CSTPP1: variants seen among roughly 807,000 people sequenced by gnomAD.
The protein encoded by CSTPP1 is centriolar satellite-associated tubulin polyglutamylase complex regulator 1.
the CSTPP1 span, among the ~76,000 whole-genome samples, chr11:47,093,800 A>G: frequency 2.0e-5 from 3 of 152,262 alleles, no homozygotes; most frequent in Non-Finnish European, 4.4e-5. Context: ...ATTGTCTCAC[A>G]TGGTGCCTGG....
chr11:47,047,548 T>C, the CSTPP1 span, among the ~76,000 whole-genome samples: 15 of 152,172 alleles, frequency 9.9e-5, no homozygotes, highest in Non-Finnish European at 1.9e-4. Flanking sequence ...AAGAATGAAA[T>C]TGGACTACAA....
the CSTPP1 span, among the ~76,000 whole-genome samples, chr11:47,075,292 AC>A: frequency 0.61 from 92,028 of 151,864 alleles, 28,570 homozygotes; most frequent in Middle Eastern, 0.7. Flanking sequence ...AATCGGTTGA[AC>A]CCAGGAGACA....
At chr11:46,994,487 G>C in the CSTPP1 span, among the ~76,000 whole-genome samples, 1 of 152,094 alleles carries the variant, frequency 6.6e-6, no homozygotes, top group South Asian at 2.1e-4. Flanking sequence ...TAGCAGGAAG[G>C]GCTGTTGAAT....
At chr11:47,135,875 A>G in the CSTPP1 span, among the ~76,000 whole-genome samples, 1 of 152,202 alleles carries the variant, frequency 6.6e-6, no homozygotes, top group Non-Finnish European at 1.5e-5. Context: ...AAGTACTTGA[A>G]GTACATGAGT....
At chr11:47,069,171 C>A in the CSTPP1 span, among the ~76,000 whole-genome samples, 1 of 152,134 alleles carries the variant, frequency 6.6e-6, no homozygotes, top group African/African-American at 2.4e-5. Flanking sequence ...TTCTGTGGAA[C>A]ATGGTTTGAA....
chr11:46,994,087 TTGGTGTATAGGAA>T, the CSTPP1 span, among the ~76,000 whole-genome samples: 1 of 152,230 alleles, frequency 6.6e-6, no homozygotes, highest in South Asian at 2.1e-4. Context: ...TTGTCTGTTA[TTGGTGTATAGGAA>T]TGCTTGTGAT....
At chr11:47,103,463 C>T in the CSTPP1 span, among the ~76,000 whole-genome samples, 1 of 151,704 alleles carries the variant, frequency 6.6e-6, no homozygotes. Flanking sequence ...CACTGAAGTA[C>T]TTAAGAAATT....
the CSTPP1 span, chr11:46,936,844 G>T: frequency 6.3e-7 from 1 of 1,596,050 alleles, no homozygotes; most frequent in South Asian, 1.1e-5. Flanking sequence ...CGGACTACGA[G>T]TATCTGGGTA....
At chr11:47,007,283 G>A in the CSTPP1 span, among the ~76,000 whole-genome samples, 7 of 151,782 alleles carry the variant, frequency 4.6e-5, no homozygotes, top group Non-Finnish European at 7.4e-5. Context: ...TGCCTGCCTC[G>A]GCCTCCCAAA....
the CSTPP1 span, among the ~76,000 whole-genome samples, chr11:46,977,160 G>T: frequency 2.6e-5 from 4 of 152,188 alleles, no homozygotes; most frequent in Non-Finnish European, 5.9e-5. Flanking sequence ...GTAGTACATG[G>T]CTTGCATTGT....
At chr11:47,137,191 G>C in the CSTPP1 span, 1 of 1,007,458 alleles carries the variant, frequency 9.9e-7, no homozygotes, top group Non-Finnish European at 1.3e-6. Context: ...TACACAGCAA[G>C]ACTGTTTGCG....
the CSTPP1 span, among the ~76,000 whole-genome samples, chr11:47,080,650 A>G: frequency 2.0e-5 from 3 of 152,168 alleles, no homozygotes; most frequent in African/African-American, 4.8e-5. Context: ...ATTGAAATCT[A>G]TTATAAACAT....
chr11:47,142,372 A>G, the CSTPP1 span, among the ~76,000 whole-genome samples: 4 of 152,202 alleles, frequency 2.6e-5, no homozygotes, highest in East Asian at 3.9e-4. Context: ...TAATAGCACA[A>G]TGTTTTCATG....
At chr11:46,997,670 G>T in the CSTPP1 span, among the ~76,000 whole-genome samples, 2 of 152,114 alleles carry the variant, frequency 1.3e-5, no homozygotes, top group African/African-American at 2.4e-5. Context: ...TTCTGCTCTG[G>T]TTTCTCCCCA....
the CSTPP1 span, among the ~76,000 whole-genome samples, chr11:46,985,645 G>A: frequency 6.6e-6 from 1 of 152,196 alleles, no homozygotes; most frequent in Non-Finnish European, 1.5e-5. Flanking sequence ...TGACATCTAA[G>A]AAGTTCTGGC....
the CSTPP1 span, among the ~76,000 whole-genome samples, chr11:47,036,175 TATAA>T: frequency 3.6e-5 from 2 of 55,402 alleles, 1 homozygote; most frequent in Non-Finnish European, 7.4e-5. Flanking sequence ...TATTATAATA[TATAA>T]ATATATATTT....
At chr11:47,019,446 A>G in the CSTPP1 span, among the ~76,000 whole-genome samples, 1 of 152,146 alleles carries the variant, frequency 6.6e-6, no homozygotes, top group Admixed American at 6.5e-5. Flanking sequence ...AATAATTTCT[A>G]GCTTTTAATT....
the CSTPP1 span, among the ~76,000 whole-genome samples, chr11:46,938,456 C>G: frequency 6.6e-6 from 1 of 150,982 alleles, no homozygotes; most frequent in African/African-American, 2.4e-5. Context: ...AAATGCATGT[C>G]ATGTATTCAC....
the CSTPP1 span, among the ~76,000 whole-genome samples, chr11:47,146,711 T>G: frequency 3.3e-5 from 5 of 152,338 alleles, no homozygotes; most frequent in African/African-American, 1.2e-4. Context: ...CAAGAGCTAC[T>G]CCTGGGAATA....
Sources: allele counts gnomAD v4.1 joint callset (sites outside exome capture counted in the v4.1 genomes callset), GRCh38; gene constraint gnomAD v4.1.1; transcripts MANE v1.5; gene names NCBI Gene and HGNC (gene_info 2026-07-23, HGNC 2026-07-21).